FOXP1: variants seen among roughly 807,000 people sequenced by gnomAD.
FOXP1 encodes forkhead box protein P1.
Under a neutral mutation model 98.2 loss-of-function variants are expected in FOXP1, and 15 were observed. The observed-to-expected ratio is 0.15, with a 90% CI of 0.10 to 0.24. FOXP1 has a LOEUF of 0.24. FOXP1 is among the 10% of genes least tolerant of loss of function. The pLI is 1.00. For missense variants in FOXP1, 633 were observed against 848.5 expected, an observed-to-expected ratio of 0.75 and a Z score of 3.15; for synonymous variants, 371 against 314.5, an observed-to-expected ratio of 1.18 and a Z score of -1.90.
intron 6 of FOXP1, among the ~76,000 whole-genome samples, chr3:71,140,038 T>C (rs536371275): frequency 6.6e-6 from 1 of 152,344 alleles, no homozygotes; most frequent in Admixed American, 6.5e-5. Context: ...CCTCACTTAA[T>C]ATATGATAAT....
chr3:71,218,530 A>G (rs2065114066), intron 5 of FOXP1, among the ~76,000 whole-genome samples: 1 of 152,100 alleles, frequency 6.6e-6, no homozygotes, highest in Non-Finnish European at 1.5e-5. Context: ...CATCTTGTCT[A>G]AAGTTAAGGC....
intron 6 of FOXP1, among the ~76,000 whole-genome samples, chr3:71,123,633 T>C (rs1337505515): frequency 6.6e-6 from 1 of 152,232 alleles, no homozygotes; most frequent in Non-Finnish European, 1.5e-5. Context: ...ACCTGTATCT[T>C]ACACTTCACC....
At chr3:71,220,961 TACTTAG>T (rs2065332193) in intron 5 of FOXP1, among the ~76,000 whole-genome samples, 3 of 150,858 alleles carry the variant, frequency 2.0e-5, no homozygotes, top group Non-Finnish European at 4.4e-5. Context: ...AGGCCAAGAA[TACTTAG>T]ACTTAGACAC....
intron 5 of FOXP1, among the ~76,000 whole-genome samples, chr3:71,294,704 T>C (rs1420867686): frequency 6.6e-6 from 1 of 152,212 alleles, no homozygotes; most frequent in Non-Finnish European, 1.5e-5. Flanking sequence ...CCCTTAAATC[T>C]GTTTGTCAAT....
chr3:71,581,254 G>T (rs372537967), intron 2 of FOXP1: 1 of 985,260 alleles, frequency 1.0e-6, no homozygotes. Flanking sequence ...GGGGAGTGGG[G>T]TGAGAAGGGG....
chr3:71,511,166 A>C (rs2042177049), intron 2 of FOXP1, among the ~76,000 whole-genome samples: 1 of 152,206 alleles, frequency 6.6e-6, no homozygotes, highest in Admixed American at 6.5e-5. Flanking sequence ...TGAAGTCTTG[A>C]AATGCTTATC....
At chr3:71,028,541 T>C (rs1157038727) in intron 11 of FOXP1, among the ~76,000 whole-genome samples, 1 of 152,190 alleles carries the variant, frequency 6.6e-6, no homozygotes, top group Non-Finnish European at 1.5e-5. Context: ...TTGGAGCAGC[T>C]ACAGGTATCG....
rs10610516 is a variant in FOXP1, at chr3:70,976,049, CTTT to C, written c.1530+889_1530+891del. Among the ~76,000 whole-genome samples the C allele has an allele frequency of 4.6e-3, 531 of 115,682 alleles. 2 individuals are homozygous for C. Among genetic ancestry groups the C allele is most frequent in the African/African-American group, 0.014 (468 of 33,474 alleles). The allele number at this position is 115,682 out of a possible 152,430, so 75.9% of individuals were successfully genotyped here. On this transcript the variant is annotated intron_variant, in intron 17 of 20. Coordinates refer to ENST00000649528, the MANE Select transcript of FOXP1 (RefSeq NM_001349338.3). ...TAGTATATCTATGAGGGACAATCTC[CTTT>C]TTTTTTTTTTTTTTTGAGACAGGGT...
chr3:71,429,102 G>A (rs191133394), intron 3 of FOXP1, among the ~76,000 whole-genome samples: 60 of 152,294 alleles, frequency 3.9e-4, no homozygotes, highest in African/African-American at 7.7e-4. Flanking sequence ...GGCTGGGGAC[G>A]AGAAGGTGGA....
chr3:71,090,365 T>A (rs2055667893), intron 7 of FOXP1, among the ~76,000 whole-genome samples: 1 of 152,218 alleles, frequency 6.6e-6, no homozygotes, highest in South Asian at 2.1e-4. Flanking sequence ...AAGTGCAGTA[T>A]GTAATGTGAT....
chr3:70,954,768 G>A lies in FOXP1; in HGVS notation c.*4479C>T, dbSNP rs1234919241. On this transcript the variant is annotated 3_prime_UTR_variant, in exon 21 of 21. Coordinates refer to ENST00000649528, the MANE Select transcript of FOXP1 (RefSeq NM_001349338.3). ...GCATTTGAGAATGCTTATAATGTCA[G>A]TAATTAGTACTGACTACACAACATT... The A allele has an allele frequency of 8.7e-6, 2 of 230,458 alleles. No individual in the cohort carries two copies. The highest frequency in any genetic ancestry group is 1.8e-4 in the South Asian group (1 of 5,522). The allele number at this position is 230,458 out of a possible 1,614,324, so 14.3% of individuals were successfully genotyped here. A position where few individuals can be genotyped will look rare whatever the true frequency, so the allele number is the denominator to read the frequency against.
At position 70,966,075 on chromosome 3, in the gene FOXP1, A is replaced by G. The variant is rs747963349; in HGVS notation, c.1723-19T>C. ...TTGAAGCCTGTCATCAACCAAGAGA[A>G]AATTTATGAAGACACAGGGTATGTA... On this transcript the variant is annotated intron_variant, in intron 19 of 20. Coordinates refer to ENST00000649528, the MANE Select transcript of FOXP1 (RefSeq NM_001349338.3). 4.3e-6 allele frequency: 7 copies of G among 1,611,180 alleles called. No homozygotes were observed. In the South Asian group the frequency reaches 7.7e-5, roughly 18 times the overall value.
intron 3 of FOXP1, among the ~76,000 whole-genome samples, chr3:71,380,287 G>A (rs1329787388): frequency 6.6e-6 from 1 of 152,174 alleles, no homozygotes; most frequent in Non-Finnish European, 1.5e-5. Flanking sequence ...TCACCATGGT[G>A]AGCCGCAGGT....
chr3:71,552,324 C>A (rs866542286), intron 2 of FOXP1, among the ~76,000 whole-genome samples: 18 of 151,850 alleles, frequency 1.2e-4, no homozygotes, highest in South Asian at 4.1e-4. Flanking sequence ...GTACAAAAAA[C>A]AGAACTATGT....
At chr3:71,207,063 T>C (rs2064093544) in intron 5 of FOXP1, among the ~76,000 whole-genome samples, 1 of 152,180 alleles carries the variant, frequency 6.6e-6, no homozygotes, top group African/African-American at 2.4e-5. Context: ...CCTCTGAAGG[T>C]CAGGCATGAT....
intron 6 of FOXP1, among the ~76,000 whole-genome samples, chr3:71,169,549 T>C (rs1190080315): frequency 6.6e-6 from 1 of 152,146 alleles, no homozygotes; most frequent in African/African-American, 2.4e-5. Flanking sequence ...CATAAAAAGG[T>C]GTAAGACTTT....
At chr3:71,185,788 T>A (rs1006679843) in intron 6 of FOXP1, among the ~76,000 whole-genome samples, 3 of 152,188 alleles carry the variant, frequency 2.0e-5, no homozygotes, top group Non-Finnish European at 4.4e-5. Context: ...GCCAAACCCA[T>A]ATAGTTCAGT....
At chr3:71,381,542 C>G (rs1315293886) in intron 3 of FOXP1, among the ~76,000 whole-genome samples, 3 of 146,800 alleles carry the variant, frequency 2.0e-5, no homozygotes, top group African/African-American at 7.6e-5. Context: ...TCCTCGGGTT[C>G]AAGTGAGCCG....
intron 19 of FOXP1, chr3:70,970,179 A>G (rs144048590): frequency 2.5e-5 from 4 of 157,010 alleles, no homozygotes; most frequent in African/African-American, 9.6e-5. Flanking sequence ...GTAATCTTGA[A>G]CAATCTGCAG....
Sources: allele counts gnomAD v4.1 joint callset (sites outside exome capture counted in the v4.1 genomes callset), GRCh38; gene constraint gnomAD v4.1.1; transcripts MANE v1.5; gene names NCBI Gene and HGNC (gene_info 2026-07-23, HGNC 2026-07-21).